The following LHPP variants were observed in gnomAD, a reference collection of about 807,000 sequenced individuals.
LHPP encodes phospholysine phosphohistidine inorganic pyrophosphate phosphatase.
In LHPP, 24 loss-of-function variants were observed where a neutral mutation model predicts 30.3. The ratio of observed to expected loss-of-function variants is 0.79; its 90% CI spans 0.57 to 1.11. LHPP has a LOEUF of 1.11. Among genes scored for constraint, LHPP ranks in the 50% most tolerant of loss-of-function variants. The pLI is 0.00. For synonymous variants in LHPP, 150 were observed against 157.1 expected (o/e 0.95, Z 0.34); for missense variants, 356 against 367.2 (o/e 0.97, Z 0.25).
At chr10:124,613,207 G>A in intron 6 of LHPP, 57 bp from the exon 7 acceptor site, 2 of 1,283,114 alleles carry the variant, frequency 1.6e-6, no homozygotes, top group Non-Finnish European at 2.3e-6. Flanking sequence ...GAGGGTGGGT[G>A]TGGCTGCAGA....
At chr10:124,490,778 G>T (rs922658856) in intron 3 of LHPP, among the ~76,000 whole-genome samples, 1 of 152,204 alleles carries the variant, frequency 6.6e-6, no homozygotes, top group Non-Finnish European at 1.5e-5. Flanking sequence ...TTGCCAAGTT[G>T]TTTCCAGAAA....
At chr10:124,479,291 GCT>G (rs1222716966) in intron 1 of LHPP, among the ~76,000 whole-genome samples, 1 of 152,148 alleles carries the variant, frequency 6.6e-6, no homozygotes. Context: ...CTTTGCAGGG[GCT>G]CTTTGTACAG....
intron 5 of LHPP, among the ~76,000 whole-genome samples, chr10:124,501,076 G>A (rs11245240): frequency 0.018 from 2,762 of 152,092 alleles, 94 homozygotes; most frequent in East Asian, 0.11. Flanking sequence ...GCCATAAAGA[G>A]GAATGAAGTT....
chr10:124,565,382 T>C (rs1469993821), intron 6 of LHPP, among the ~76,000 whole-genome samples: 1 of 152,324 alleles, frequency 6.6e-6, no homozygotes, highest in East Asian at 1.9e-4. Flanking sequence ...CTTCAGGCTC[T>C]CCGTGCAGGC....
chr10:124,527,520 A>G (rs926160222), intron 6 of LHPP, among the ~76,000 whole-genome samples: 1 of 152,184 alleles, frequency 6.6e-6, no homozygotes, highest in Non-Finnish European at 1.5e-5. Flanking sequence ...CCCCTACTCC[A>G]GCTCCAAACG....
Position 124,461,866 on chromosome 10 carries a change from G to A in LHPP, c.4G>A (p.Ala2Thr). The A allele has an allele frequency of 8.0e-7, 1 of 1,252,900 alleles. No homozygotes were observed. 77.6% of individuals were successfully genotyped at this position (1,252,900 alleles called of 1,614,324 possible). A position where few individuals can be genotyped will look rare whatever the true frequency, so the allele number is the denominator to read the frequency against. The change falls in exon 1 of 7, where the codon GCA (alanine) becomes ACA (threonine). Residue 2 changes from alanine (A) to threonine (T), a missense_variant. By Grantham distance (58) the Ala-to-Thr change is moderately conservative. Transcript: ENST00000368842. M[A>T]PWGKRLAGVR... ...CTGAGGAGCAGGGCCGGGCGCCATG[G>A]CACCGTGGGGCAAGCGGCTGGCTGG...
intron 6 of LHPP, among the ~76,000 whole-genome samples, chr10:124,560,008 C>A (rs1948367529): frequency 6.6e-6 from 1 of 152,236 alleles, no homozygotes; most frequent in South Asian, 2.1e-4. Context: ...GGCATCATTT[C>A]CACTTTCCAG....
At chr10:124,490,270 G>T (rs113411617) in intron 3 of LHPP, 2 of 194,546 alleles carry the variant, frequency 1.0e-5, no homozygotes, top group Non-Finnish European at 2.1e-5. Context: ...CCTTTAGGCC[G>T]CAGCCTGCCA....
At chr10:124,469,538 G>A (rs1398914133) in intron 1 of LHPP, among the ~76,000 whole-genome samples, 1 of 152,054 alleles carries the variant, frequency 6.6e-6, no homozygotes, top group Non-Finnish European at 1.5e-5. Flanking sequence ...TTCAAAGTGA[G>A]GACCAAAAAT....
chr10:124,552,404 C>T (rs1340701284), intron 6 of LHPP, among the ~76,000 whole-genome samples: 1 of 152,068 alleles, frequency 6.6e-6, no homozygotes, highest in East Asian at 1.9e-4. Flanking sequence ...AGGCTCTAGG[C>T]CTCCTGTCTA....
intron 6 of LHPP, among the ~76,000 whole-genome samples, chr10:124,601,543 G>A (rs909412358): frequency 4.6e-5 from 7 of 152,310 alleles, no homozygotes; most frequent in Admixed American, 6.5e-5. Context: ...GCGGCCAAGC[G>A]TCACCACCAG....
At chr10:124,597,894 G>A (rs1240657733) in intron 6 of LHPP, among the ~76,000 whole-genome samples, 1 of 152,196 alleles carries the variant, frequency 6.6e-6, no homozygotes, top group East Asian at 1.9e-4. Context: ...AAGCACAGCT[G>A]CAAGAGGCTG....
rs1037677133 is a variant in LHPP at position 124,523,752 on chromosome 10, C to T, written c.716+6481C>T. 6.6e-6 allele frequency among the ~76,000 whole-genome samples: 1 copy of T among 152,198 alleles called. No individual in the cohort carries two copies. The highest frequency in any genetic ancestry group is 2.4e-5 in the African/African-American group (1 of 41,454). On this transcript the variant is annotated intron_variant, in intron 6 of 6. Coordinates refer to ENST00000368842, the MANE Select transcript of LHPP (RefSeq NM_022126.4). The surrounding 1 kb of genome is among the most constrained non-coding windows in gnomAD (Gnocchi z 4.2). ...GACCAGCCAGGGCAATCCGAGCCAG[C>T]CCCGGTGGAGAGAAAGGGCCAGTGC...
chr10:124,568,527 G>C (rs1948530913), intron 6 of LHPP, among the ~76,000 whole-genome samples: 1 of 152,162 alleles, frequency 6.6e-6, no homozygotes, highest in Admixed American at 6.5e-5. Flanking sequence ...AGATCCCTCC[G>C]CGGTGGCGTG....
chr10:124,500,716 T>C (rs2133880208), intron 5 of LHPP, among the ~76,000 whole-genome samples: 1 of 149,330 alleles, frequency 6.7e-6, no homozygotes, highest in African/African-American at 2.5e-5. Flanking sequence ...CACACTAAGA[T>C]GACTGTATAG....
chr10:124,562,590 G>T (rs1020638117), intron 6 of LHPP, among the ~76,000 whole-genome samples: 1 of 152,128 alleles, frequency 6.6e-6, no homozygotes, highest in Admixed American at 6.5e-5. Flanking sequence ...AGTCACTAGG[G>T]TAACGCAATT....
intron 6 of LHPP, among the ~76,000 whole-genome samples, chr10:124,558,664 C>T (rs894513338): frequency 6.6e-6 from 1 of 152,196 alleles, no homozygotes; most frequent in Non-Finnish European, 1.5e-5. Context: ...CCCCATGGCA[C>T]CCCCAATGTG....
chr10:124,483,337 A>G (rs1416916930), intron 1 of LHPP, among the ~76,000 whole-genome samples: 1 of 152,224 alleles, frequency 6.6e-6, no homozygotes, highest in East Asian at 1.9e-4. Context: ...GGACGTGTGC[A>G]GCTCACTTGC....
chr10:124,603,815 C>T (rs930311502), intron 6 of LHPP, among the ~76,000 whole-genome samples: 4 of 152,216 alleles, frequency 2.6e-5, no homozygotes, highest in African/African-American at 9.6e-5. Context: ...CAGGTTGACT[C>T]AGCAGTCCCC....
Sources: gnomAD v4.1 joint callset for allele counts (sites outside exome capture counted in the v4.1 genomes callset) on GRCh38, gnomAD v4.1.1 for gene constraint, Gnocchi (gnomAD v3.1) non-coding constraint, MANE v1.5 for transcripts, NCBI Gene and HGNC (gene_info 2026-07-23, HGNC 2026-07-21) for gene names.